DST: variants seen among roughly 807,000 people sequenced by gnomAD.
DST encodes bullous pemphigoid antigen.
DST carries 253 observed loss-of-function variants against 875.2 expected under a neutral mutation model. The observed-to-expected ratio is 0.29, with a 90% confidence interval of 0.26 to 0.32. DST has a LOEUF of 0.32. DST is among the 10% of genes least tolerant of loss of function. The pLI, the probability that DST is intolerant of heterozygous loss-of-function variation, is 1.00. For synonymous variants in DST, 3,124 were observed against 3,197.1 expected (o/e 0.98, Z 0.77); for missense variants, 8,287 against 9,111.6 (o/e 0.91, Z 3.68).
At chr6:56,827,028 A>T in intron 4 of DST, among the ~76,000 whole-genome samples, 1 of 152,206 alleles carries the variant, frequency 6.6e-6, no homozygotes, top group Non-Finnish European at 1.5e-5. Context: ...CTAGTTTTTT[A>T]AAAAATCCTT....
chr6:56,718,634 A>T (rs2099403424), intron 5 of DST, among the ~76,000 whole-genome samples: 1 of 152,240 alleles, frequency 6.6e-6, no homozygotes, highest in Admixed American at 6.5e-5. Context: ...TGTTCACAAG[A>T]GTCAAAAAGT....
At chr6:56,896,274 G>A (rs1791241022) in intron 3 of DST, among the ~76,000 whole-genome samples, 1 of 152,120 alleles carries the variant, frequency 6.6e-6, no homozygotes, top group Non-Finnish European at 1.5e-5. Context: ...TTGTGGGATG[G>A]ACCCAGTGGG....
At chr6:56,552,060 C>G (rs2097334748) in intron 61 of DST, 124 bp downstream of exon 61, 3 of 1,172,446 alleles carry the variant, frequency 2.6e-6, no homozygotes, top group South Asian at 1.6e-5. Context: ...TATGCTCATT[C>G]TGGCTCAAAT....
intron 2 of DST, among the ~76,000 whole-genome samples, chr6:56,949,058 A>G (rs184950546): frequency 6.6e-6 from 1 of 152,298 alleles, no homozygotes; most frequent in Admixed American, 6.5e-5. Context: ...TATTCTTATA[A>G]TCCTTACATT....
At chr6:56,579,679 G>T (rs1357562867) in intron 49 of DST, among the ~76,000 whole-genome samples, 2 of 152,146 alleles carry the variant, frequency 1.3e-5, no homozygotes, top group Non-Finnish European at 1.5e-5. Context: ...AAGACACAAA[G>T]ATGAGGACAG....
chr6:56,756,331 GAACAATCAAGCATCCCA>G (rs950410408), intron 4 of DST, among the ~76,000 whole-genome samples: 4 of 152,102 alleles, frequency 2.6e-5, no homozygotes, highest in Non-Finnish European at 4.4e-5. Flanking sequence ...CATGGGCCAG[GAACAATCAAGCATCCCA>G]GAAAGACTGC....
chr6:56,683,092 C>T (rs2099164301), intron 9 of DST, among the ~76,000 whole-genome samples: 1 of 152,132 alleles, frequency 6.6e-6, no homozygotes, highest in Admixed American at 6.5e-5. Flanking sequence ...TATTCACACA[C>T]CTAATAATAT....
chr6:56,729,272 C>T (rs1490791413), intron 5 of DST, among the ~76,000 whole-genome samples: 3 of 152,154 alleles, frequency 2.0e-5, no homozygotes, highest in Non-Finnish European at 4.4e-5. Flanking sequence ...TTCATTAGCC[C>T]TTTATAAAGT....
chr6:56,768,327 T>G (rs2099639614), intron 4 of DST, among the ~76,000 whole-genome samples: 1 of 152,174 alleles, frequency 6.6e-6, no homozygotes. Flanking sequence ...CAGTGTGGTT[T>G]TGGCAAAAGA....
chr6:56,499,391 C>T (rs2096040934), intron 80 of DST, among the ~76,000 whole-genome samples: 1 of 152,106 alleles, frequency 6.6e-6, no homozygotes, highest in African/African-American at 2.4e-5. Context: ...ATAGAAAGCA[C>T]TCACTTTGGT....
intron 4 of DST, among the ~76,000 whole-genome samples, chr6:56,816,656 C>A (rs888184988): frequency 6.6e-6 from 1 of 152,096 alleles, no homozygotes; most frequent in African/African-American, 2.4e-5. Flanking sequence ...CCATAGGAAT[C>A]CCCTATCGCG....
chr6:56,834,208 A>G (rs2099790751), intron 4 of DST, among the ~76,000 whole-genome samples: 1 of 152,206 alleles, frequency 6.6e-6, no homozygotes, highest in Non-Finnish European at 1.5e-5. Flanking sequence ...TCTGGGTGAC[A>G]GAGTGAGACC....
chr6:56,610,642 CAT>C, intron 38 of DST, 80 bp from the exon 39 acceptor site: 1 of 1,215,888 alleles, frequency 8.2e-7, no homozygotes, highest in Non-Finnish European at 1.1e-6. Context: ...ATAATTTTGT[CAT>C]ATGATGGTAA....
intron 13 of DST, among the ~76,000 whole-genome samples, chr6:56,646,968 G>A (rs1317355758): frequency 6.6e-6 from 1 of 152,134 alleles, no homozygotes; most frequent in African/African-American, 2.4e-5. Context: ...TCCATTCAAA[G>A]TTCTGCTAAT....
intron 3 of DST, among the ~76,000 whole-genome samples, chr6:56,856,181 G>T (rs1346971752): frequency 6.6e-6 from 1 of 152,120 alleles, no homozygotes; most frequent in Non-Finnish European, 1.5e-5. Flanking sequence ...TTTTAGAAGG[G>T]GAACTGAACA....
At chr6:56,773,219 A>C (rs1039837076) in intron 4 of DST, among the ~76,000 whole-genome samples, 1 of 152,110 alleles carries the variant, frequency 6.6e-6, no homozygotes, top group Non-Finnish European at 1.5e-5. Flanking sequence ...TCTTGTTTTA[A>C]TCTAGTAGGT....
intron 5 of DST, among the ~76,000 whole-genome samples, chr6:56,723,388 A>T (rs780867152): frequency 1.3e-5 from 2 of 152,124 alleles, no homozygotes; most frequent in Non-Finnish European, 2.9e-5. Flanking sequence ...AACATGGTGA[A>T]ACCCTGTCTC....
At chr6:56,715,847 T>C (rs1192730917) in intron 5 of DST, among the ~76,000 whole-genome samples, 1 of 152,176 alleles carries the variant, frequency 6.6e-6, no homozygotes. Context: ...AGCTCATTCA[T>C]TTCCCCTGAA....
At chr6:56,726,200 A>G (rs2099456545) in intron 5 of DST, among the ~76,000 whole-genome samples, 1 of 152,126 alleles carries the variant, frequency 6.6e-6, no homozygotes, top group Non-Finnish European at 1.5e-5. Flanking sequence ...CAGCAAGTCC[A>G]ATTCCTTCCC....
Sources: gnomAD v4.1 joint callset for allele counts (sites outside exome capture counted in the v4.1 genomes callset) on GRCh38, gnomAD v4.1.1 for gene constraint, MANE v1.5 for transcripts, NCBI Gene and HGNC (gene_info 2026-07-23, HGNC 2026-07-21) for gene names.